Variants in LBH observed in about 807,000 individuals in gnomAD.
LBH encodes the protein protein LBH.
In LBH, 7 loss-of-function variants were observed where a neutral mutation model predicts 12.5. That is an observed-to-expected ratio of 0.56 (90% CI 0.32 to 1.05). The LOEUF is 1.05. Among genes scored for constraint, LBH ranks in the 50% least tolerant of loss-of-function variants. The probability of loss-of-function intolerance (pLI) is 0.04; values close to 1 mark genes in which losing one functional copy is unlikely to be tolerated. For missense variants in LBH, 119 were observed against 138.9 expected (o/e 0.86, Z 0.72); for synonymous variants, 51 against 50.1 (o/e 1.02, Z -0.08).
At position 30,257,835 on chromosome 2, in the gene LBH, A is replaced by G. The variant is rs577990338; in HGVS notation, c.*214A>G. On this transcript the variant is annotated 3_prime_UTR_variant, in exon 3 of 3. Transcript: ENST00000395323. ...TGCCGAGCAGTGGAGCCCTCTGACA[A>G]TTTGCAAGGCCCTCTGAGAAAGGAA... The G allele has an allele frequency of 2.4e-4, 97 of 407,638 alleles. No homozygotes were observed. Among genetic ancestry groups the G allele is most frequent in the African/African-American group, 2.1e-3 (93 of 43,536 alleles). The allele number at this position is 407,638 out of a possible 1,614,324, so 25.3% of individuals were successfully genotyped here.
chr2:30,234,245 G>C (rs565141079), intron 1 of LBH, 160 bp from the exon 2 acceptor site: 8 of 610,132 alleles, frequency 1.3e-5, no homozygotes, highest in Admixed American at 8.3e-5. Flanking sequence ...CTTGCAAGGC[G>C]CTTCCTCAGG....
intron 2 of LBH, among the ~76,000 whole-genome samples, chr2:30,250,949 A>G (rs889549583): frequency 6.6e-6 from 1 of 152,086 alleles, no homozygotes; most frequent in Admixed American, 6.5e-5. Context: ...TTAAGGTTAC[A>G]TTAAATTGAT....
chr2:30,249,972 C>G (rs1402363271), intron 2 of LBH, among the ~76,000 whole-genome samples: 2 of 152,180 alleles, frequency 1.3e-5, no homozygotes, highest in Non-Finnish European at 2.9e-5. Flanking sequence ...AGCACTGTGA[C>G]CTTGCCAACC....
Position 30,257,850 on chromosome 2 carries a change from T to C in LBH, c.*229T>C. 2.6e-6 allele frequency: 1 copy of C among 384,080 alleles called. No homozygotes were observed. The highest frequency in any genetic ancestry group is 2.3e-5 in the African/African-American group (1 of 44,268). The allele number at this position is 384,080 out of a possible 1,614,324, so 23.8% of individuals were successfully genotyped here. A position where few individuals can be genotyped will look rare whatever the true frequency, so the allele number is the denominator to read the frequency against. On this transcript the variant is annotated 3_prime_UTR_variant, in exon 3 of 3. Transcript: ENST00000395323. ...CCCTCTGACAATTTGCAAGGCCCTC[T>C]GAGAAAGGAAGCTGCTTAGAGCCAG...
intron 2 of LBH, among the ~76,000 whole-genome samples, chr2:30,254,043 T>C (rs1678034438): frequency 6.6e-6 from 1 of 152,132 alleles, no homozygotes; most frequent in South Asian, 2.1e-4. Flanking sequence ...GCAAGTCACA[T>C]ACCGTCTCTG....
intron 2 of LBH, among the ~76,000 whole-genome samples, chr2:30,236,100 G>A (rs552256317): frequency 1.4e-4 from 22 of 152,346 alleles, no homozygotes; most frequent in Non-Finnish European, 5.9e-5. Context: ...TTCTCTTTCG[G>A]TTCTGGGTTT....
chr2:30,234,258 G>A lies in LBH; in HGVS notation c.27-147G>A, dbSNP rs770257757. 2.7e-5 allele frequency: 18 copies of A among 655,188 alleles called. No individual in the cohort carries two copies. In the African/African-American group the frequency reaches 3.2e-4, roughly 12 times the overall value. The allele number at this position is 655,188 out of a possible 1,614,324, so 40.6% of individuals were successfully genotyped here. On this transcript the variant is annotated intron_variant, in intron 1 of 2. Coordinates refer to ENST00000395323, the MANE Select transcript of LBH (RefSeq NM_030915.4). ...GGCTTGCAAGGCGCTTCCTCAGGGT[G>A]TGAGCTTGTTTTGCTGCAAGTTCTG...
intron 2 of LBH, among the ~76,000 whole-genome samples, chr2:30,245,198 A>C (rs1441230299): frequency 6.6e-6 from 1 of 152,232 alleles, no homozygotes; most frequent in African/African-American, 2.4e-5. Flanking sequence ...ACAGTTTTAC[A>C]TAGAGAAAGT....
At chr2:30,245,404 T>G (rs533260225) in intron 2 of LBH, among the ~76,000 whole-genome samples, 17 of 152,330 alleles carry the variant, frequency 1.1e-4, no homozygotes, top group African/African-American at 4.1e-4. Flanking sequence ...TGTTCAGAAT[T>G]CCACTGGGGA....
intron 2 of LBH, among the ~76,000 whole-genome samples, chr2:30,249,039 A>G (rs1415952678): frequency 6.6e-6 from 1 of 152,220 alleles, no homozygotes; most frequent in Non-Finnish European, 1.5e-5. Context: ...CTGTAACCCC[A>G]GTCCAGGGGA....
Position 30,234,413 on chromosome 2 carries a change from ATC to A in LBH, c.37_38del (p.Leu13GlufsTer7), listed in dbSNP as rs1677647629. 1.2e-6 allele frequency: 2 copies of A among 1,614,042 alleles called. No individual in the cohort carries two copies. The highest frequency in any genetic ancestry group is 1.1e-5 in the South Asian group (1 of 91,078). On this transcript the variant is annotated frameshift_variant, in exon 2 of 3. Coordinates refer to ENST00000395323, the MANE Select transcript of LBH (RefSeq NM_030915.4). LOFTEE classifies it high-confidence loss of function. ...TCTGGGTTTCTTGGCAGCCCCGACT[ATC>A]TGAGATCGGCCAAGATGACTGAGGT...
chr2:30,241,617 G>A (rs1045424267), intron 2 of LBH, among the ~76,000 whole-genome samples: 4 of 151,844 alleles, frequency 2.6e-5, no homozygotes, highest in African/African-American at 9.7e-5. Flanking sequence ...GTGCCACCAT[G>A]CCGGGCTAAT....
At chr2:30,256,290 G>A (rs981779240) in intron 2 of LBH, among the ~76,000 whole-genome samples, 10 of 152,126 alleles carry the variant, frequency 6.6e-5, no homozygotes, top group Non-Finnish European at 1.3e-4. Context: ...CTGGCTGACG[G>A]GACTCTGGAA....
At chr2:30,240,213 A>C (rs1227501620) in intron 2 of LBH, among the ~76,000 whole-genome samples, 1 of 152,210 alleles carries the variant, frequency 6.6e-6, no homozygotes, top group Non-Finnish European at 1.5e-5. Flanking sequence ...CCCGTCCTGC[A>C]CTGAGAATCC....
Position 30,257,671 on chromosome 2 carries a change from C to T in LBH, c.*50C>T. 7.3e-7 allele frequency: 1 copy of T among 1,373,168 alleles called. No individual in the cohort carries two copies. Among genetic ancestry groups the T allele is most frequent in the African/African-American group, 1.5e-5 (1 of 68,580 alleles). 85.1% of individuals were successfully genotyped at this position (1,373,168 alleles called of 1,614,324 possible). A position where few individuals can be genotyped will look rare whatever the true frequency, so the allele number is the denominator to read the frequency against. ...ATACCAGCCAGCATCTGTTCCTGAA[C>T]TGTGTTTTTCCCATCATGACGGAAG... On this transcript the variant is annotated 3_prime_UTR_variant, in exon 3 of 3. Coordinates refer to ENST00000395323, the MANE Select transcript of LBH (RefSeq NM_030915.4).
chr2:30,257,287 T>C (rs1558391495), intron 2 of LBH, 146 bp from the exon 3 acceptor site: 1 of 794,166 alleles, frequency 1.3e-6, no homozygotes, highest in Non-Finnish European at 2.0e-6. Flanking sequence ...GCTCCCACCT[T>C]ATATACTCCA....
intron 2 of LBH, among the ~76,000 whole-genome samples, chr2:30,244,986 A>G (rs941429467): frequency 1.3e-5 from 2 of 152,236 alleles, no homozygotes; most frequent in African/African-American, 2.4e-5. Context: ...TTGATCAGTT[A>G]TATACTAATA....
intron 2 of LBH, among the ~76,000 whole-genome samples, chr2:30,250,283 C>A (rs894034850): frequency 1.3e-5 from 2 of 152,070 alleles, no homozygotes; most frequent in African/African-American, 2.4e-5. Flanking sequence ...CCTCTCCACC[C>A]CCGGCCTTCC....
At chr2:30,232,352 G>A in intron 1 of LBH, 3 of 1,121,844 alleles carry the variant, frequency 2.7e-6, no homozygotes, top group Non-Finnish European at 3.6e-6. Context: ...AAAAACCGAC[G>A]CACATTGGTG....
Sources: allele counts gnomAD v4.1 joint callset (sites outside exome capture counted in the v4.1 genomes callset), GRCh38; gene constraint gnomAD v4.1.1; transcripts MANE v1.5; gene names NCBI Gene and HGNC (gene_info 2026-07-23, HGNC 2026-07-21).